CLVS1: variants seen among roughly 807,000 people sequenced by gnomAD.
The protein encoded by CLVS1 is clavesin-1.
Under a neutral mutation model 33.1 loss-of-function variants are expected in CLVS1, and 10 were observed. The ratio of observed to expected loss-of-function variants is 0.30; its 90% confidence interval spans 0.19 to 0.51. The LOEUF (loss-of-function observed/expected upper bound fraction) is 0.51, where lower values mean the gene tolerates loss of function less well. Ranked by LOEUF, CLVS1 falls within the 20% of genes least tolerant of loss-of-function variation. The pLI is 0.97. For synonymous variants in CLVS1, 163 were observed against 166.1 expected (o/e 0.98, Z 0.14); for missense variants, 343 against 433.4 (o/e 0.79, Z 1.85).
the CLVS1 span, among the ~76,000 whole-genome samples, chr8:61,040,056 C>T: frequency 8.5e-5 from 13 of 152,272 alleles, no homozygotes; most frequent in South Asian, 2.5e-3. Context: ...CATATGTACC[C>T]AATGTTTAGC....
In CLVS1 at chr8:61,059,475, C is replaced by CATACAT. The variant is rs59538219; in HGVS notation, c.-243+2248_-243+2249insCATATA. Among the ~76,000 whole-genome samples, 314 of 50,214 alleles carry CATACAT rather than the reference C, an allele frequency of 6.3e-3. 9 individuals are homozygous for CATACAT. Among genetic ancestry groups the CATACAT allele is most frequent in the African/African-American group, 0.018 (297 of 16,828 alleles). 32.9% of individuals were successfully genotyped at this position (50,214 alleles called of 152,430 possible). On this transcript the variant is annotated intron_variant, in intron 1 of 2. Coordinates refer to the CLVS1 transcript ENST00000522621. ...ACACACACATATACATACATACATA[C>CATACAT]ATATATATATATATATATATATATA... is the stretch of plus-strand genomic sequence containing the variant.
chr8:61,154,745 G>A (rs1806616406), intron 2 of CLVS1, among the ~76,000 whole-genome samples: 1 of 152,208 alleles, frequency 6.6e-6, no homozygotes, highest in Admixed American at 6.5e-5. Flanking sequence ...GTGATAATTT[G>A]AGGAGATCTA....
At chr8:61,246,934 C>T (rs1585719291) in intron 2 of CLVS1, among the ~76,000 whole-genome samples, 1 of 152,036 alleles carries the variant, frequency 6.6e-6, no homozygotes, top group African/African-American at 2.4e-5. Context: ...CAGTAGTTCT[C>T]TTTTCTGCTC....
intron 2 of CLVS1, among the ~76,000 whole-genome samples, chr8:61,355,256 G>T (rs369768554): frequency 6.6e-6 from 1 of 151,308 alleles, no homozygotes; most frequent in Non-Finnish European, 1.5e-5. Context: ...CCAAGCTTGT[G>T]TACCTCACTC....
At chr8:61,365,589 A>G (rs898397501) in intron 2 of CLVS1, among the ~76,000 whole-genome samples, 1 of 152,146 alleles carries the variant, frequency 6.6e-6, no homozygotes, top group Non-Finnish European at 1.5e-5. Flanking sequence ...TAATGTGACC[A>G]TCTTACTTAA....
chr8:61,170,322 C>T (rs1030723916), intron 2 of CLVS1, among the ~76,000 whole-genome samples: 1 of 152,130 alleles, frequency 6.6e-6, no homozygotes, highest in Non-Finnish European at 1.5e-5. Flanking sequence ...CCCTCTCTCT[C>T]ACTTTCTCCC....
At chr8:60,990,186 T>G in the CLVS1 span, among the ~76,000 whole-genome samples, 2 of 123,842 alleles carry the variant, frequency 1.6e-5, no homozygotes, top group Non-Finnish European at 3.3e-5. Flanking sequence ...GAGAGAGAAC[T>G]AAGAACTATG....
At chr8:61,338,936 T>G (rs1361284129) in intron 2 of CLVS1, among the ~76,000 whole-genome samples, 1 of 151,732 alleles carries the variant, frequency 6.6e-6, no homozygotes, top group Non-Finnish European at 1.5e-5. Context: ...CTCTCTCAGG[T>G]CAGTAGGCTT....
intron 1 of CLVS1, among the ~76,000 whole-genome samples, chr8:61,089,204 C>T (rs1382997050): frequency 6.6e-6 from 1 of 152,050 alleles, no homozygotes; most frequent in Non-Finnish European, 1.5e-5. Flanking sequence ...TTTCATTGCT[C>T]TAAATTAATC....
rs568288099 is a variant in CLVS1, at chr8:61,152,010, C to G, written c.-152+20150C>G. ...TGGAGGAGGATATTTTGCCCCCCGCCCCCAGCTTTCTTTTCTATTTCTTCT... is the reference window on the plus strand; with the variant it reads ...TGGAGGAGGATATTTTGCCCCCCGCGCCCAGCTTTCTTTTCTATTTCTTCT... On this transcript the variant is annotated intron_variant, in intron 2 of 2. Transcript: ENST00000522621. 6.9e-4 allele frequency among the ~76,000 whole-genome samples: 105 copies of G among 152,286 alleles called. 1 individual carries two copies. Among genetic ancestry groups the G allele is most frequent in the African/African-American group, 2.5e-3 (102 of 41,562 alleles).
Position 61,181,697 on chromosome 8 carries a change from C to CTTT in CLVS1, c.-152+49855_-152+49857dup, listed in dbSNP as rs369025438. Among the ~76,000 whole-genome samples the CTTT allele has an allele frequency of 3.6e-3, 375 of 103,156 alleles. 22 individuals carry two copies. The highest frequency in any genetic ancestry group is 5.0e-3 in the Non-Finnish European group (265 of 53,528). The allele number at this position is 103,156 out of a possible 152,430, so 67.7% of individuals were successfully genotyped here. ...TACCACACATCTACAACCATCTGAT[C>CTTT]TTTTTTTTTTTTTTTTTTTTGAGAT... On this transcript the variant is annotated intron_variant, in intron 2 of 2. Transcript: ENST00000522621.
At chr8:61,250,321 C>T (rs1808909996) in intron 2 of CLVS1, among the ~76,000 whole-genome samples, 1 of 152,134 alleles carries the variant, frequency 6.6e-6, no homozygotes, top group East Asian at 1.9e-4. Context: ...GTTACTGTTG[C>T]CTTGTAGTAT....
At chr8:61,479,483 T>C (rs1818097079) in intron 5 of CLVS1, among the ~76,000 whole-genome samples, 1 of 152,180 alleles carries the variant, frequency 6.6e-6, no homozygotes, top group African/African-American at 2.4e-5. Context: ...TAGCCATTCG[T>C]CTAATTTTTT....
intron 1 of CLVS1, among the ~76,000 whole-genome samples, chr8:61,295,563 G>A (rs1185146193): frequency 6.6e-6 from 1 of 152,152 alleles, no homozygotes; most frequent in African/African-American, 2.4e-5. Flanking sequence ...TCATAGAATG[G>A]TAAGTTTGAA....
chr8:61,099,537 C>T (rs1039151168), intron 1 of CLVS1, among the ~76,000 whole-genome samples: 1 of 152,036 alleles, frequency 6.6e-6, no homozygotes, highest in Non-Finnish European at 1.5e-5. Context: ...ATATTATATA[C>T]AGTCATGAGT....
At chr8:61,486,927 T>C (rs1281634139) in intron 5 of CLVS1, among the ~76,000 whole-genome samples, 1 of 152,238 alleles carries the variant, frequency 6.6e-6, no homozygotes, top group Non-Finnish European at 1.5e-5. Flanking sequence ...CTGGTGCTAA[T>C]AAGGGATTGA....
intron 2 of CLVS1, among the ~76,000 whole-genome samples, chr8:61,371,254 AT>A (rs1421897553): frequency 2.0e-5 from 3 of 152,040 alleles, no homozygotes; most frequent in Admixed American, 6.6e-5. Context: ...GATGTTGAGC[AT>A]TTTTTCATAT....
chr8:61,224,029 GT>G (rs1808278272), intron 2 of CLVS1, among the ~76,000 whole-genome samples: 1 of 152,016 alleles, frequency 6.6e-6, no homozygotes, highest in Non-Finnish European at 1.5e-5. Flanking sequence ...GGTCATTTAT[GT>G]TCCTCTTTAA....
intron 2 of CLVS1, among the ~76,000 whole-genome samples, chr8:61,246,486 A>C (rs542289702): frequency 6.6e-6 from 1 of 152,176 alleles, no homozygotes. Flanking sequence ...CCCAACTTTT[A>C]CATTATTGTT....
Sources: gnomAD v4.1 joint callset for allele counts (sites outside exome capture counted in the v4.1 genomes callset) on GRCh38, gnomAD v4.1.1 for gene constraint, MANE v1.5 for transcripts, NCBI Gene and HGNC (gene_info 2026-07-23, HGNC 2026-07-21) for gene names.